Variants in BDH2 observed in about 807,000 individuals in gnomAD.
The protein encoded by BDH2 is dehydrogenase/reductase SDR family member 6.
BDH2 carries 24 observed loss-of-function variants against 33.2 expected under a neutral mutation model. The ratio of observed to expected loss-of-function variants is 0.72; its 90% CI spans 0.52 to 1.02. The LOEUF is 1.02. Ranked by LOEUF, BDH2 falls within the 50% of genes least tolerant of loss-of-function variation. The pLI, the probability that BDH2 is intolerant of heterozygous loss-of-function variation, is 0.00. For synonymous variants in BDH2, 81 were observed against 101.6 expected (o/e 0.80, Z 1.22); for missense variants, 249 against 301.6 (o/e 0.83, Z 1.29).
At chr4:103,094,518 T>C (rs954131872) in intron 3 of BDH2, among the ~76,000 whole-genome samples, 3 of 152,158 alleles carry the variant, frequency 2.0e-5, no homozygotes, top group African/African-American at 7.2e-5. Context: ...TTTTACAACA[T>C]ATATGAAAAC....
At chr4:103,082,479 AGTTCAATAGT>A (rs1418958423) in intron 8 of BDH2, among the ~76,000 whole-genome samples, 1 of 152,224 alleles carries the variant, frequency 6.6e-6, no homozygotes, top group Non-Finnish European at 1.5e-5. Context: ...TTAAGTGTAC[AGTTCAATAGT>A]GTTAGGTACA....
At chr4:103,085,503 A>C in intron 6 of BDH2, 41 bp from the exon 7 acceptor site, 1 of 1,547,756 alleles carries the variant, frequency 6.5e-7, no homozygotes. Flanking sequence ...AGGAATAAAA[A>C]ATGTATTTTC....
intron 7 of BDH2, 123 bp downstream of exon 7, chr4:103,085,226 G>T: frequency 1.4e-6 from 1 of 710,902 alleles, no homozygotes; most frequent in East Asian, 2.8e-5. Flanking sequence ...TTTATCTGTT[G>T]CAACTATTAT....
chr4:103,086,618 T>C, intron 5 of BDH2, 78 bp from the exon 6 acceptor site: 1 of 1,507,912 alleles, frequency 6.6e-7, no homozygotes, highest in Non-Finnish European at 8.9e-7. Flanking sequence ...AAGATTTGCA[T>C]TTTCTTAGGG....
Position 103,086,521 on chromosome 4 carries a change from C to A in BDH2, c.377G>T (p.Gly126Val), listed in dbSNP as rs564786338. Residue 126 changes from glycine to valine, a missense_variant, in exon 6 of 10, where the codon GGC (glycine) becomes GTC (valine). Gly to Val is a moderately radical substitution (Grantham distance 109). Transcript: ENST00000296424. Reference protein sequence around the residue: ...FLPKMLAQKSGNIINMSSVAS... With the variant: ...FLPKMLAQKSVNIINMSSVAS... ...CACAGAAGACATGTTGATAATATTG[C>A]CAGATTTCTGAGCAAGCATCTGCCA... The A allele has an allele frequency of 6.2e-7, 1 of 1,610,664 alleles. No homozygotes were observed. The highest frequency in any genetic ancestry group is 1.1e-5 in the South Asian group (1 of 90,166).
At chr4:103,088,057 T>C (rs1028190747) in intron 5 of BDH2, among the ~76,000 whole-genome samples, 1 of 152,160 alleles carries the variant, frequency 6.6e-6, no homozygotes, top group Non-Finnish European at 1.5e-5. Context: ...ATGGAGTAAG[T>C]GGATACAAGG....
chr4:103,080,069 A>C (rs1293912659), intron 9 of BDH2, among the ~76,000 whole-genome samples: 1 of 152,244 alleles, frequency 6.6e-6, no homozygotes, highest in Non-Finnish European at 1.5e-5. Flanking sequence ...ATAGGCTAAA[A>C]GCACATTTTC....
Position 103,099,822 on chromosome 4 carries a change from T to C in BDH2, c.-60A>G, listed in dbSNP as rs1433236732. 1 of 152,240 alleles carries C rather than the reference T, an allele frequency of 6.6e-6. No homozygotes were observed. Among genetic ancestry groups the C allele is most frequent in the Non-Finnish European group, 1.5e-5 (1 of 68,026 alleles). The allele number at this position is 152,240 out of a possible 1,614,324, so 9.4% of individuals were successfully genotyped here. On this transcript the variant is annotated 5_prime_UTR_variant, in exon 1 of 10. Coordinates refer to ENST00000296424, the MANE Select transcript of BDH2 (RefSeq NM_020139.4). ...TGATGGCGTTCTCCAGAACTCGGTT[T>C]GAGCAACAAACTTGAGACAACCTTT...
At chr4:103,092,423 C>T (rs1748151134) in intron 4 of BDH2, 177 bp downstream of exon 4, 2 of 599,726 alleles carry the variant, frequency 3.3e-6, no homozygotes, top group Admixed American at 2.9e-5. Flanking sequence ...AACTCTAAGG[C>T]TGTCTTACCT....
At chr4:103,085,599 T>A in intron 6 of BDH2, 137 bp from the exon 7 acceptor site, 2 of 1,449,444 alleles carry the variant, frequency 1.4e-6, no homozygotes, top group Non-Finnish European at 1.9e-6. Flanking sequence ...AAGATTGATA[T>A]CAGATTTTTT....
intron 7 of BDH2, among the ~76,000 whole-genome samples, chr4:103,083,422 A>AAGGG (rs1747615119): frequency 6.6e-6 from 1 of 152,296 alleles, no homozygotes; most frequent in African/African-American, 2.4e-5. Context: ...GTCCTTGGTA[A>AAGGG]TTCAGGTGGC....
intron 1 of BDH2, chr4:103,098,861 C>T (rs181239085): frequency 6.6e-6 from 1 of 152,146 alleles, no homozygotes; most frequent in Non-Finnish European, 1.5e-5. Context: ...GAGGAGCAGA[C>T]TAACACAATT....
intron 3 of BDH2, 81 bp from the exon 4 acceptor site, chr4:103,092,777 G>GT: frequency 4.2e-6 from 4 of 961,614 alleles, no homozygotes; most frequent in Non-Finnish European, 6.6e-6. Flanking sequence ...GAAGTGTGAA[G>GT]ATTGCAACAT....
intron 6 of BDH2, chr4:103,086,237 G>T: frequency 8.0e-7 from 1 of 1,248,430 alleles, no homozygotes; most frequent in Non-Finnish European, 1.0e-6. Context: ...TCATTTCCAT[G>T]TCCATTAGAA....
At chr4:103,099,660 A>C (rs1484024723) in intron 1 of BDH2, 123 bp downstream of exon 1, 1 of 152,142 alleles carries the variant, frequency 6.6e-6, no homozygotes, top group Admixed American at 6.5e-5. Flanking sequence ...CCATCTTTAC[A>C]CTGATCTAAC....
intron 6 of BDH2, 118 bp downstream of exon 6, chr4:103,086,362 G>T (rs1261174842): frequency 7.1e-7 from 1 of 1,398,882 alleles, no homozygotes; most frequent in African/African-American, 1.5e-5. Context: ...GAAAAAAGCA[G>T]TTTTGAAATC....
chr4:103,085,297 G>A, intron 7 of BDH2, 52 bp downstream of exon 7: 6 of 1,398,302 alleles, frequency 4.3e-6, no homozygotes, highest in Non-Finnish European at 6.0e-6. Flanking sequence ...CAAATTGGGT[G>A]TGGAAGTGTT....
At chr4:103,091,142 G>A (rs1748063354) in intron 5 of BDH2, 35 bp downstream of exon 5, 2 of 1,372,582 alleles carry the variant, frequency 1.5e-6, no homozygotes, top group South Asian at 1.2e-5. Flanking sequence ...GACCTAATGT[G>A]GTGCTTATCC....
At chr4:103,097,327 T>C (rs1289077479) in intron 1 of BDH2, among the ~76,000 whole-genome samples, 2 of 152,224 alleles carry the variant, frequency 1.3e-5, no homozygotes, top group African/African-American at 4.8e-5. Flanking sequence ...CAGTAATTTC[T>C]AAATGATTGA....
Sources: gnomAD v4.1 joint callset for allele counts (sites outside exome capture counted in the v4.1 genomes callset) on GRCh38, gnomAD v4.1.1 for gene constraint, MANE v1.5 for transcripts, NCBI Gene and HGNC (gene_info 2026-07-23, HGNC 2026-07-21) for gene names.